ERBB4: variants seen among roughly 807,000 people sequenced by gnomAD.
The protein encoded by ERBB4 is erb-b2 receptor tyrosine kinase 4.
Under a neutral mutation model 158.0 loss-of-function variants are expected in ERBB4, and 42 were observed. That is an observed-to-expected ratio of 0.27 (90% CI 0.21 to 0.34). ERBB4 has a LOEUF of 0.34. Among genes scored for constraint, ERBB4 ranks in the 10% least tolerant of loss-of-function variants. The pLI is 1.00. For missense variants in ERBB4, 1,333 were observed against 1,624.1 expected (o/e 0.82, Z 3.08); for synonymous variants, 583 against 558.7 (o/e 1.04, Z -0.61).
At chr2:212,504,022 C>A (rs2106250654) in intron 1 of ERBB4, among the ~76,000 whole-genome samples, 1 of 152,270 alleles carries the variant, frequency 6.6e-6, no homozygotes, top group South Asian at 2.1e-4. Flanking sequence ...TATTTAACAT[C>A]CAGTTCCAAA....
chr2:212,408,065 ATTTTAT>A (rs1308114768), intron 1 of ERBB4, among the ~76,000 whole-genome samples: 4 of 151,870 alleles, frequency 2.6e-5, no homozygotes, highest in African/African-American at 7.2e-5. Context: ...TCTCAGTAAC[ATTTTAT>A]TTTTATTTAT....
At chr2:212,191,855 G>A (rs941215587) in intron 1 of ERBB4, among the ~76,000 whole-genome samples, 1 of 119,178 alleles carries the variant, frequency 8.4e-6, no homozygotes, top group African/African-American at 3.2e-5. Flanking sequence ...TGTTATATAT[G>A]TTCTATATAT....
chr2:211,500,279 T>C (rs1046191843), intron 20 of ERBB4, among the ~76,000 whole-genome samples: 2 of 152,134 alleles, frequency 1.3e-5, no homozygotes, highest in African/African-American at 4.8e-5. Flanking sequence ...ATATAGCCAC[T>C]GGACTATAAA....
At chr2:212,232,312 G>A (rs188838885) in intron 1 of ERBB4, among the ~76,000 whole-genome samples, 1 of 152,220 alleles carries the variant, frequency 6.6e-6, no homozygotes, top group East Asian at 1.9e-4. Context: ...CATTTTCAAA[G>A]AAGAAATGCT....
chr2:212,182,018 T>G (rs1434143501), intron 1 of ERBB4, among the ~76,000 whole-genome samples: 1 of 151,762 alleles, frequency 6.6e-6, no homozygotes, highest in Admixed American at 6.6e-5. Context: ...CATTTGGATA[T>G]CAGGACTATA....
intron 1 of ERBB4, among the ~76,000 whole-genome samples, chr2:212,479,542 A>G (rs1689581712): frequency 6.6e-6 from 1 of 152,102 alleles, no homozygotes; most frequent in African/African-American, 2.4e-5. Context: ...TAACTCATTA[A>G]ATTCCTCTCT....
chr2:211,495,449 T>C (rs2065446070), intron 20 of ERBB4, among the ~76,000 whole-genome samples: 1 of 152,162 alleles, frequency 6.6e-6, no homozygotes, highest in South Asian at 2.1e-4. Context: ...TAAAAACAAC[T>C]ATTTCATTTT....
intron 3 of ERBB4, among the ~76,000 whole-genome samples, chr2:211,925,838 T>C (rs1247040611): frequency 2.0e-5 from 3 of 151,858 alleles, no homozygotes; most frequent in Non-Finnish European, 4.4e-5. Flanking sequence ...TTTTCTCTCT[T>C]TTTTTTTACT....
At chr2:211,739,779 A>G (rs987963994) in intron 5 of ERBB4, among the ~76,000 whole-genome samples, 1 of 152,074 alleles carries the variant, frequency 6.6e-6, no homozygotes, top group African/African-American at 2.4e-5. Context: ...TCATCTGGCT[A>G]TTTTATTAAA....
chr2:211,869,043 A>G (rs1336330964), intron 3 of ERBB4, among the ~76,000 whole-genome samples: 1 of 152,148 alleles, frequency 6.6e-6, no homozygotes, highest in East Asian at 1.9e-4. Context: ...TCTCTAAGTT[A>G]AAGTCTAAAT....
At chr2:211,428,369 T>C (rs541940614) in intron 22 of ERBB4, 39 bp downstream of exon 22, 3 of 1,124,748 alleles carry the variant, frequency 2.7e-6, no homozygotes, top group Non-Finnish European at 4.1e-6. Flanking sequence ...TATGTATTTT[T>C]GCTTTACAAG....
Position 212,161,394 on chromosome 2 carries a change from A to G in ERBB4, c.83-36491T>C, listed in dbSNP as rs1485925539. ...ATTATCTTTGCCTCTAGACATGAGTAGCTACCTTGTGAAATGATATCAGGA... is the reference window on the plus strand; with the variant it reads ...ATTATCTTTGCCTCTAGACATGAGTGGCTACCTTGTGAAATGATATCAGGA... On this transcript the variant is annotated intron_variant, in intron 1 of 27. Coordinates refer to ENST00000342788, the MANE Select transcript of ERBB4 (RefSeq NM_005235.3). Among the ~76,000 whole-genome samples, 3 of 151,950 alleles carry G rather than the reference A, an allele frequency of 2.0e-5. No individual in the cohort carries two copies. The East Asian group carries it at 5.8e-4, about 29-fold the overall frequency.
At chr2:211,609,809 A>G (rs2069124370) in intron 19 of ERBB4, among the ~76,000 whole-genome samples, 1 of 152,184 alleles carries the variant, frequency 6.6e-6, no homozygotes, top group Admixed American at 6.5e-5. Context: ...CCCTACACTG[A>G]CAAAGTTCCT....
intron 1 of ERBB4, among the ~76,000 whole-genome samples, chr2:212,284,678 T>C (rs768165360): frequency 6.6e-6 from 1 of 152,158 alleles, no homozygotes; most frequent in African/African-American, 2.4e-5. Flanking sequence ...ATGAAATACA[T>C]AACCATCATT....
chr2:212,272,594 G>A (rs768776213), intron 1 of ERBB4, among the ~76,000 whole-genome samples: 1 of 151,722 alleles, frequency 6.6e-6, no homozygotes, highest in South Asian at 2.1e-4. Flanking sequence ...TATAATGTCA[G>A]CAAGAGAAAA....
chr2:211,966,787 C>T (rs933826103), intron 2 of ERBB4, among the ~76,000 whole-genome samples: 1 of 152,042 alleles, frequency 6.6e-6, no homozygotes, highest in Non-Finnish European at 1.5e-5. Context: ...TACTCAATTT[C>T]CTCTGAACTT....
At chr2:211,466,332 GTT>G (rs1158162850) in intron 20 of ERBB4, among the ~76,000 whole-genome samples, 73 of 118,570 alleles carry the variant, frequency 6.2e-4, no homozygotes, top group African/African-American at 1.4e-3. Flanking sequence ...TTTTTGTGTA[GTT>G]TTTTTTTTTT....
chr2:212,289,942 A>G lies in ERBB4; in HGVS notation c.83-165039T>C, dbSNP rs377644146. ...AATCTTTCAGCCTTGCAGAAGTAAT[A>G]TGAAAATATAAGGAAAACAACTCCT... On this transcript the variant is annotated intron_variant, in intron 1 of 27. Transcript: ENST00000342788. 1.1e-4 allele frequency among the ~76,000 whole-genome samples: 16 copies of G among 152,312 alleles called. No homozygotes were observed. In the East Asian group the frequency reaches 2.1e-3, roughly 20 times the overall value.
intron 19 of ERBB4, among the ~76,000 whole-genome samples, chr2:211,598,272 A>G (rs369390877): frequency 1.1e-4 from 17 of 152,216 alleles, no homozygotes; most frequent in African/African-American, 4.1e-4. Context: ...TTGTGGTCCA[A>G]AGACCTCACT....
Sources: allele counts gnomAD v4.1 joint callset (sites outside exome capture counted in the v4.1 genomes callset), GRCh38; gene constraint gnomAD v4.1.1; transcripts MANE v1.5; gene names NCBI Gene and HGNC (gene_info 2026-07-23, HGNC 2026-07-21).